Variants in BCKDHB observed in about 807,000 individuals in gnomAD.
BCKDHB encodes the protein 2-oxoisovalerate dehydrogenase subunit beta, mitochondrial.
Under a neutral mutation model 48.5 loss-of-function variants are expected in BCKDHB, and 41 were observed. That is an observed-to-expected ratio of 0.85 (90% confidence interval 0.66 to 1.10). BCKDHB has a LOEUF of 1.10. BCKDHB is among the 50% of genes least tolerant of loss of function. The pLI, the probability that BCKDHB is intolerant of heterozygous loss-of-function variation, is 0.00. For synonymous variants in BCKDHB, 201 were observed against 174.8 expected (o/e 1.15, Z -1.18); for missense variants, 496 against 494.2 (o/e 1.00, Z -0.03).
the BCKDHB span, chr6:80,453,090 A>C: frequency 6.6e-6 from 1 of 152,168 alleles, no homozygotes; most frequent in Non-Finnish European, 1.5e-5. Context: ...ATAACTCCCA[A>C]AATTTTGGTG....
chr6:80,324,851 T>A (rs77843574), intron 9 of BCKDHB, among the ~76,000 whole-genome samples: 18,860 of 152,202 alleles, frequency 0.12, 1,605 homozygotes, highest in South Asian at 0.25. Flanking sequence ...TCACCCTGAT[T>A]AGACCATTAA....
intron 9 of BCKDHB, among the ~76,000 whole-genome samples, chr6:80,332,209 C>T (rs1387532304): frequency 1.3e-5 from 2 of 152,104 alleles, no homozygotes; most frequent in African/African-American, 4.8e-5. Flanking sequence ...TTAATAAACA[C>T]CCCAGTGCCA....
At chr6:80,357,545 A>G in the BCKDHB span, among the ~76,000 whole-genome samples, 14 of 152,210 alleles carry the variant, frequency 9.2e-5, no homozygotes, top group African/African-American at 3.1e-4. Flanking sequence ...GGGCAAATGG[A>G]GAATAACCAG....
chr6:80,336,499 A>AAC (rs1266751322), intron 9 of BCKDHB, among the ~76,000 whole-genome samples: 44 of 112,344 alleles, frequency 3.9e-4, no homozygotes, highest in South Asian at 2.8e-4. Context: ...AAAAAACCAA[A>AAC]AAAACAAAAA....
chr6:80,398,585 A>G, the BCKDHB span, among the ~76,000 whole-genome samples: 81 of 152,134 alleles, frequency 5.3e-4, no homozygotes, highest in African/African-American at 1.8e-3. Flanking sequence ...CAGCAATAAA[A>G]TCAGCAATAA....
chr6:80,297,607 T>A (rs1231186234), intron 9 of BCKDHB, among the ~76,000 whole-genome samples: 1 of 152,060 alleles, frequency 6.6e-6, no homozygotes, highest in Admixed American at 6.6e-5. Flanking sequence ...TTCCAAAAAT[T>A]AAGGGTCCCA....
the BCKDHB span, among the ~76,000 whole-genome samples, chr6:80,405,981 C>G: frequency 3.3e-5 from 5 of 152,036 alleles, no homozygotes; most frequent in African/African-American, 7.2e-5. Context: ...CCTCCAGGCC[C>G]CCGCCCCCAC....
At chr6:80,315,554 C>T (rs1768402016) in intron 9 of BCKDHB, among the ~76,000 whole-genome samples, 1 of 151,594 alleles carries the variant, frequency 6.6e-6, no homozygotes. Flanking sequence ...GAGTGCCACG[C>T]ACTACAGTTG....
At chr6:80,407,898 A>C in the BCKDHB span, among the ~76,000 whole-genome samples, 1 of 152,176 alleles carries the variant, frequency 6.6e-6, no homozygotes, top group African/African-American at 2.4e-5. Context: ...TGTGTTGAAT[A>C]GGAGTGTTGA....
At chr6:80,408,377 T>C in the BCKDHB span, among the ~76,000 whole-genome samples, 11 of 152,270 alleles carry the variant, frequency 7.2e-5, no homozygotes, top group African/African-American at 2.4e-4. Flanking sequence ...ATAAAATGAG[T>C]AAGGGAGGAT....
chr6:80,180,428 CATT>C (rs1773358578), intron 6 of BCKDHB, among the ~76,000 whole-genome samples: 2 of 152,120 alleles, frequency 1.3e-5, no homozygotes, highest in Admixed American at 1.3e-4. Flanking sequence ...GTCAGTGTGA[CATT>C]ATCACATATA....
At chr6:80,168,460 G>T in intron 4 of BCKDHB, among the ~76,000 whole-genome samples, 1 of 103,348 alleles carries the variant, frequency 9.7e-6, no homozygotes, top group African/African-American at 3.7e-5. Flanking sequence ...GGGAGGGAGG[G>T]AGGGAGTGAT....
the BCKDHB span, among the ~76,000 whole-genome samples, chr6:80,421,529 G>T: frequency 6.6e-6 from 1 of 152,192 alleles, no homozygotes; most frequent in South Asian, 2.1e-4. Flanking sequence ...ATGAGGGAAA[G>T]ATTGGAACTT....
chr6:80,265,968 CT>C (rs1172753226), intron 8 of BCKDHB, among the ~76,000 whole-genome samples: 6 of 151,998 alleles, frequency 3.9e-5, no homozygotes, highest in African/African-American at 1.4e-4. Flanking sequence ...TACAGTAAGG[CT>C]TTAGTTATGT....
intron 8 of BCKDHB, among the ~76,000 whole-genome samples, chr6:80,257,370 A>G (rs1777095654): frequency 6.7e-6 from 1 of 149,836 alleles, no homozygotes; most frequent in Non-Finnish European, 1.5e-5. Context: ...TATATTGTGT[A>G]TGTGTATATA....
At chr6:80,342,556 G>GAAAAAAAAAAAAAAA (rs34127398) in intron 9 of BCKDHB, among the ~76,000 whole-genome samples, 3 of 24,098 alleles carry the variant, frequency 1.2e-4, no homozygotes, top group African/African-American at 4.9e-4. Flanking sequence ...CCTCATTTCT[G>GAAAAAAAAAAAAAAA]AAAAAAAAAA....
chr6:80,392,179 A>C, the BCKDHB span, among the ~76,000 whole-genome samples: 1 of 152,016 alleles, frequency 6.6e-6, no homozygotes, highest in South Asian at 2.1e-4. Context: ...TTTTTGGTAG[A>C]GGCAGGGCTC....
intron 9 of BCKDHB, among the ~76,000 whole-genome samples, chr6:80,313,106 C>T (rs902008199): frequency 2.4e-4 from 36 of 152,114 alleles, no homozygotes; most frequent in African/African-American, 8.5e-4. Context: ...AATTTCAGAA[C>T]TCGTTATTAG....
chr6:80,430,733 G>A, the BCKDHB span, among the ~76,000 whole-genome samples: 48 of 152,168 alleles, frequency 3.2e-4, no homozygotes, highest in East Asian at 7.1e-3. Context: ...AGTCTCGCTA[G>A]CAGTCTATCT....
Sources: allele counts gnomAD v4.1 joint callset (sites outside exome capture counted in the v4.1 genomes callset), GRCh38; gene constraint gnomAD v4.1.1; transcripts MANE v1.5; gene names NCBI Gene and HGNC (gene_info 2026-07-23, HGNC 2026-07-21).